The following UBE3B variants were observed in gnomAD, a reference collection of about 807,000 sequenced individuals.
UBE3B encodes the protein ubiquitin protein ligase E3B, also known as ubiquitin-protein ligase E3B.
UBE3B carries 80 observed loss-of-function variants against 132.3 expected under a neutral mutation model. The ratio of observed to expected loss-of-function variants is 0.60; its 90% CI spans 0.50 to 0.73. The LOEUF (loss-of-function observed/expected upper bound fraction) is 0.73. UBE3B is among the 30% of genes least tolerant of loss of function. UBE3B has a pLI of 0.00. For missense variants in UBE3B, 1,196 were observed against 1,362.5 expected (o/e 0.88, Z 1.92); for synonymous variants, 487 against 520.4 (o/e 0.94, Z 0.87).
rs548320030 is a variant in UBE3B, at chr12:109,522,254, A to G, written c.2364+703A>G. ...GAGCAGTCATCCTCACCTTACTAAGAGGAAGTGAGTCTGGGTTTCCACTCT... is the reference window on the plus strand; with the variant it reads ...GAGCAGTCATCCTCACCTTACTAAGGGGAAGTGAGTCTGGGTTTCCACTCT... On this transcript the variant is annotated intron_variant, in intron 21 of 27. Coordinates refer to ENST00000342494, the MANE Select transcript of UBE3B (RefSeq NM_130466.4). The surrounding 1 kb of genome is among the most constrained non-coding windows in gnomAD (Gnocchi z 4.2). Among the ~76,000 whole-genome samples, 1 of 152,272 alleles carries G rather than the reference A, an allele frequency of 6.6e-6. No individual in the cohort carries two copies. Among genetic ancestry groups the G allele is most frequent in the South Asian group, 2.1e-4 (1 of 4,822 alleles).
intron 14 of UBE3B, 119 bp from the exon 15 acceptor site, chr12:109,507,445 T>G: frequency 9.0e-7 from 1 of 1,113,944 alleles, no homozygotes; most frequent in African/African-American, 1.6e-5. Context: ...CACCTTCTTT[T>G]CACGCACATT....
At chr12:109,495,551 A>T (rs1052985652) in intron 9 of UBE3B, among the ~76,000 whole-genome samples, 1 of 152,174 alleles carries the variant, frequency 6.6e-6, no homozygotes, top group Admixed American at 6.5e-5. Context: ...CACACACAGA[A>T]ATATAGAGGT....
chr12:109,488,121 T>C (rs2135813038), intron 6 of UBE3B, among the ~76,000 whole-genome samples: 1 of 152,330 alleles, frequency 6.6e-6, no homozygotes, highest in African/African-American at 2.4e-5. Context: ...CTATTTCTGG[T>C]CAACAGATGA....
rs759461082 is a variant in UBE3B at position 109,534,481 on chromosome 12, C to T, written c.3016-110C>T. The T allele has an allele frequency of 2.7e-6, 4 of 1,484,198 alleles. No homozygotes were observed. In the South Asian group the frequency reaches 4.2e-5, roughly 16 times the overall value. The allele number at this position is 1,484,198 out of a possible 1,614,324, so 91.9% of individuals were successfully genotyped here. ...CCAGGGCAGCGCCCTGCACTCTGCC[C>T]AGCATCCAGGGACTGGCCAGATCCC... On this transcript the variant is annotated intron_variant, in intron 27 of 27. Transcript: ENST00000342494. This position sits in a 1 kb window ranked among gnomAD's most constrained non-coding sequence, Gnocchi z 5.2.
Position 109,503,179 on chromosome 12 carries a change from A to G in UBE3B, c.1439A>G (p.Gln480Arg). The G allele has an allele frequency of 6.2e-7, 1 of 1,614,150 alleles. No homozygotes were observed. The highest frequency in any genetic ancestry group is 1.3e-5 in the African/African-American group (1 of 75,066). Residue 480 changes from glutamine to arginine, a missense_variant, in exon 14 of 28, where the codon CAG (glutamine) becomes CGG (arginine). Coordinates refer to ENST00000342494, the MANE Select transcript of UBE3B (RefSeq NM_130466.4). ...ACAACTCTCACACAGATTCGGCTGC[A>G]GATACTCACAGGTTCGCAGTCCCCA... Reference protein sequence around the residue: ...SLTTLTQIRLQILTGLTYLDD... With the variant: ...SLTTLTQIRLRILTGLTYLDD...
downstream of UBE3B, among the ~76,000 whole-genome samples, chr12:109,537,872 T>G (rs1040877585): frequency 1.3e-5 from 2 of 152,102 alleles, no homozygotes; most frequent in African/African-American, 4.8e-5. Flanking sequence ...GCCTGGCTAA[T>G]TTTTTGTATT....
At chr12:109,540,299 C>T (rs537262687), downstream of UBE3B, among the ~76,000 whole-genome samples, 369 of 152,278 alleles carry the variant, frequency 2.4e-3, 3 homozygotes, top group African/African-American at 8.4e-3. Flanking sequence ...CCTCCGCCTC[C>T]GAGGCTCAAG....
intron 18 of UBE3B, among the ~76,000 whole-genome samples, chr12:109,511,646 G>A (rs1448405301): frequency 2.0e-5 from 3 of 152,222 alleles, no homozygotes; most frequent in Admixed American, 2.0e-4. Flanking sequence ...AGAGTCAAAT[G>A]TGCAGTGTGG....
At chr12:109,501,673 A>T (rs1474480088) in intron 13 of UBE3B, 139 bp downstream of exon 13, 2 of 1,070,094 alleles carry the variant, frequency 1.9e-6, no homozygotes, top group African/African-American at 3.2e-5. Context: ...GTTGTTAGAG[A>T]CAGAGTCTCA....
chr12:109,491,279 T>C, intron 9 of UBE3B, 152 bp downstream of exon 9: 1 of 574,532 alleles, frequency 1.7e-6, no homozygotes, highest in Non-Finnish European at 2.9e-6. Context: ...TGAGCACATT[T>C]GTGACTGCTC....
chr12:109,498,428 C>T (rs1360647700), intron 11 of UBE3B, 75 bp downstream of exon 11: 2 of 1,531,284 alleles, frequency 1.3e-6, no homozygotes, highest in African/African-American at 2.8e-5. Context: ...TGTCACTATT[C>T]TAGAGATTTG....
chr12:109,530,894 G>A (rs528171156), intron 26 of UBE3B, among the ~76,000 whole-genome samples: 1 of 152,336 alleles, frequency 6.6e-6, no homozygotes, highest in Admixed American at 6.5e-5. Flanking sequence ...CCCTGCACAG[G>A]TGGGCATACC....
Position 109,490,285 on chromosome 12 carries a change from G to A in UBE3B, c.630+281G>A, listed in dbSNP as rs141158851. The A allele has an allele frequency of 1.2e-3, 1,399 of 1,172,682 alleles. 1 individual carries two copies. The highest frequency in any genetic ancestry group is 2.1e-3 in the South Asian group (132 of 64,316). 72.6% of individuals were successfully genotyped at this position (1,172,682 alleles called of 1,614,324 possible). A position where few individuals can be genotyped will look rare whatever the true frequency, so the allele number is the denominator to read the frequency against. ...TTAAACTCTGGAAGGAGACCTCAGG[G>A]CTTGTTCCCTCAGATTCCTTCTTGG... On this transcript the variant is annotated intron_variant, in intron 8 of 27. Transcript: ENST00000342494.
chr12:109,491,055 C>T lies in UBE3B; in HGVS notation c.641C>T (p.Thr214Ile), dbSNP rs747605088. Reference protein sequence around the residue: ...GFYSVLQILLTRGLARPRPCL... With the variant: ...GFYSVLQILLIRGLARPRPCL... ...AAACATTCTTTTCAGATATTGTTAA[C>T]CCGTGGCCTGGCAAGACCCCGTCCT... The change falls in exon 9 of 28, where the codon ACC becomes ATC. Residue 214 changes from threonine (T) to isoleucine (I), a missense_variant. Physicochemically the swap from Thr to Ile is moderately conservative, Grantham distance 89. Transcript: ENST00000342494. 5.6e-6 allele frequency: 9 copies of T among 1,613,740 alleles called. No homozygotes were observed. In the South Asian group the frequency reaches 7.7e-5, roughly 14 times the overall value.
At chr12:109,504,032 AG>A (rs1039226564) in intron 14 of UBE3B, among the ~76,000 whole-genome samples, 5 of 152,246 alleles carry the variant, frequency 3.3e-5, no homozygotes, top group Non-Finnish European at 7.3e-5. Flanking sequence ...ATTGTATTCT[AG>A]TAGTGGGGAG....
At chr12:109,520,921 G>T (rs1792165324) in intron 19 of UBE3B, 2 of 481,188 alleles carry the variant, frequency 4.2e-6, no homozygotes, top group Non-Finnish European at 7.4e-6. Context: ...CTTGAGGTCA[G>T]TCTCCCCTTG....
At position 109,486,580 on chromosome 12, in the gene UBE3B, C is replaced by CAAGAAAA. The variant is rs1876488417; in HGVS notation, c.447+7_447+8insGAAAAAA. ...GATTTTCTCAAGCAGCTCAAGGTAA[C>CAAGAAAA]AAAAAAAAAAAAAAAAAAAAAAAGC... On this transcript the variant is annotated splice_donor_region_variant and intron_variant, in intron 6 of 27. Coordinates refer to ENST00000342494, the MANE Select transcript of UBE3B (RefSeq NM_130466.4). 1 of 493,986 alleles carries CAAGAAAA rather than the reference C, an allele frequency of 2.0e-6. No homozygotes were observed. The highest frequency in any genetic ancestry group is 3.0e-5 in the African/African-American group (1 of 33,356). 30.6% of individuals were successfully genotyped at this position (493,986 alleles called of 1,614,324 possible).
At position 109,533,566 on chromosome 12, in the gene UBE3B, C is replaced by A. The variant is rs1450494079; in HGVS notation, c.3015+8C>A. The A allele has an allele frequency of 1.2e-6, 2 of 1,610,762 alleles. No individual in the cohort carries two copies. The highest frequency in any genetic ancestry group is 1.7e-5 in the Admixed American group (1 of 60,012). On this transcript the variant is annotated splice_region_variant and intron_variant, in intron 27 of 27. Coordinates refer to ENST00000342494, the MANE Select transcript of UBE3B (RefSeq NM_130466.4). Reference sequence around the variant, plus strand: ...GAGGTGTCGGACGATCAGGTACCCCCACGGGGTGGGTGGGGAAGAGCCTTG... The same window carrying A: ...GAGGTGTCGGACGATCAGGTACCCCAACGGGGTGGGTGGGGAAGAGCCTTG...
chr12:109,484,632 T>C (rs1876079366), intron 4 of UBE3B, among the ~76,000 whole-genome samples: 1 of 152,132 alleles, frequency 6.6e-6, no homozygotes, highest in Admixed American at 6.5e-5. Context: ...CCTTGTGATC[T>C]GCCCGCCTCA....
Sources: allele counts gnomAD v4.1 joint callset (sites outside exome capture counted in the v4.1 genomes callset), GRCh38; gene constraint gnomAD v4.1.1; non-coding constraint Gnocchi (gnomAD v3.1); transcripts MANE v1.5; gene names NCBI Gene and HGNC (gene_info 2026-07-23, HGNC 2026-07-21).